CDK19: variants seen among roughly 807,000 people sequenced by gnomAD.
The protein encoded by CDK19 is cyclin-dependent kinase 19.
A neutral mutation model predicts 68.3 loss-of-function variants in CDK19; 20 were observed. The observed-to-expected ratio is 0.29, with a 90% CI of 0.21 to 0.43. The LOEUF (loss-of-function observed/expected upper bound fraction) is 0.43. Ranked by LOEUF, CDK19 falls within the 20% of genes least tolerant of loss-of-function variation. CDK19 has a pLI of 1.00. For missense variants in CDK19, 339 were observed against 623.5 expected, an observed-to-expected ratio of 0.54 and a Z score of 4.86; for synonymous variants, 221 against 222.8, an observed-to-expected ratio of 0.99 and a Z score of 0.07.
intron 2 of CDK19, among the ~76,000 whole-genome samples, chr6:110,729,885 C>T (rs1405881097): frequency 6.6e-6 from 1 of 152,104 alleles, no homozygotes; most frequent in East Asian, 1.9e-4. Flanking sequence ...GCCAGGACTA[C>T]AGGAGCACAA....
At chr6:110,654,885 G>T (rs922054561) in intron 4 of CDK19, among the ~76,000 whole-genome samples, 1 of 151,434 alleles carries the variant, frequency 6.6e-6, no homozygotes, top group African/African-American at 2.4e-5. Flanking sequence ...AGGTTATGGT[G>T]AGCCAAGATC....
At chr6:110,645,101 TAG>T (rs1780466116) in intron 4 of CDK19, among the ~76,000 whole-genome samples, 1 of 152,150 alleles carries the variant, frequency 6.6e-6, no homozygotes, top group Admixed American at 6.5e-5. Context: ...TACAATTAAC[TAG>T]GATGATCTAG....
chr6:110,709,836 T>C (rs1433474867), intron 2 of CDK19, among the ~76,000 whole-genome samples: 4 of 152,152 alleles, frequency 2.6e-5, no homozygotes, highest in Non-Finnish European at 4.4e-5. Context: ...CATCAAAATA[T>C]ATATACAAGG....
chr6:110,794,266 C>T (rs1158451857), intron 1 of CDK19, among the ~76,000 whole-genome samples: 2 of 151,844 alleles, frequency 1.3e-5, no homozygotes, highest in African/African-American at 4.8e-5. Flanking sequence ...AGGCTGGTCT[C>T]GAACTCCTGA....
chr6:110,677,131 A>T (rs1455337351), intron 2 of CDK19, among the ~76,000 whole-genome samples: 3 of 152,188 alleles, frequency 2.0e-5, no homozygotes, highest in Non-Finnish European at 4.4e-5. Context: ...TACTTCTTCT[A>T]ATTCACCTTT....
At chr6:110,813,648 A>G (rs1204754574) in intron 1 of CDK19, 1 of 152,248 alleles carries the variant, frequency 6.6e-6, no homozygotes, top group Non-Finnish European at 1.5e-5. Context: ...CTGCAATAAT[A>G]ATAATCCTTT....
intron 1 of CDK19, among the ~76,000 whole-genome samples, chr6:110,781,121 G>A (rs12211202): frequency 0.047 from 7,205 of 152,154 alleles, 179 homozygotes; most frequent in Middle Eastern, 0.078. Context: ...ACCTCAAACT[G>A]GCTAATTTAT....
chr6:110,665,581 T>A (rs550861977), intron 4 of CDK19, among the ~76,000 whole-genome samples: 1 of 152,338 alleles, frequency 6.6e-6, no homozygotes, highest in South Asian at 2.1e-4. Flanking sequence ...GGAGCTCAGA[T>A]AAATTAATCT....
At chr6:110,616,984 A>G (rs1778354569) in intron 12 of CDK19, among the ~76,000 whole-genome samples, 1 of 152,164 alleles carries the variant, frequency 6.6e-6, no homozygotes. Context: ...ACATTGATGA[A>G]GCAGCTCAAA....
At chr6:110,784,548 T>C (rs1331153224) in intron 1 of CDK19, among the ~76,000 whole-genome samples, 2 of 152,146 alleles carry the variant, frequency 1.3e-5, no homozygotes, top group Non-Finnish European at 2.9e-5. Context: ...TGTGAAATGG[T>C]ACAGTTGCTT....
chr6:110,647,188 C>A (rs1780655813), intron 4 of CDK19, among the ~76,000 whole-genome samples: 1 of 152,150 alleles, frequency 6.6e-6, no homozygotes, highest in South Asian at 2.1e-4. Flanking sequence ...CAGCTGGGGT[C>A]CGGCCGGCCA....
chr6:110,753,209 C>T (rs777254043), intron 1 of CDK19, among the ~76,000 whole-genome samples: 11 of 151,920 alleles, frequency 7.2e-5, no homozygotes, highest in Non-Finnish European at 1.6e-4. Context: ...GGATTACAGG[C>T]GTGAGCCACC....
chr6:110,727,065 T>C (rs1031477661), intron 2 of CDK19, among the ~76,000 whole-genome samples: 6 of 152,192 alleles, frequency 3.9e-5, no homozygotes, highest in Non-Finnish European at 4.4e-5. Flanking sequence ...TTCAATAATA[T>C]GAACTTTTCA....
intron 2 of CDK19, among the ~76,000 whole-genome samples, chr6:110,741,109 A>G (rs1005800733): frequency 6.6e-6 from 1 of 152,122 alleles, no homozygotes; most frequent in Non-Finnish European, 1.5e-5. Context: ...ATGTATAATG[A>G]GAGCTGCAAT....
intron 8 of CDK19, among the ~76,000 whole-genome samples, chr6:110,626,347 T>C (rs115920684): frequency 3.3e-5 from 5 of 152,204 alleles, no homozygotes; most frequent in African/African-American, 1.2e-4. Flanking sequence ...TTTAAAAAGA[T>C]TAATTTAACT....
chr6:110,614,514 G>T lies in CDK19; in HGVS notation c.*21C>A. On this transcript the variant is annotated 3_prime_UTR_variant, in exon 13 of 13. Transcript: ENST00000368911. ...GGAGCCTGTGCTCTGGGCTGGGCTG[G>T]CCTGGCCCAACGGGAGCTGGTCAGT... The T allele has an allele frequency of 3.1e-6, 5 of 1,611,526 alleles. No individual in the cohort carries two copies. The highest frequency in any genetic ancestry group is 4.2e-6 in the Non-Finnish European group (5 of 1,178,112).
chr6:110,700,531 A>C (rs958733250), intron 2 of CDK19: 1 of 152,154 alleles, frequency 6.6e-6, no homozygotes, highest in Admixed American at 6.6e-5. Flanking sequence ...CTCACTGAGG[A>C]ACAGGTCAGT....
chr6:110,648,562 A>T (rs1180154670), intron 4 of CDK19, among the ~76,000 whole-genome samples: 2 of 125,502 alleles, frequency 1.6e-5, no homozygotes, highest in Non-Finnish European at 3.2e-5. Context: ...TTTTTTTGAG[A>T]AGGAGTCTCG....
intron 1 of CDK19, among the ~76,000 whole-genome samples, chr6:110,762,481 T>A (rs1243917969): frequency 5.3e-5 from 8 of 152,224 alleles, no homozygotes; most frequent in Non-Finnish European, 1.2e-4. Flanking sequence ...ACTTGGGCTA[T>A]GGACTTATAT....
Sources: gnomAD v4.1 joint callset for allele counts (sites outside exome capture counted in the v4.1 genomes callset) on GRCh38, gnomAD v4.1.1 for gene constraint, MANE v1.5 for transcripts, NCBI Gene and HGNC (gene_info 2026-07-23, HGNC 2026-07-21) for gene names.